DDRGK1: variants seen among roughly 807,000 people sequenced by gnomAD.
DDRGK1 encodes the protein DDRGK domain-containing protein 1.
DDRGK1 carries 38 observed loss-of-function variants against 45.8 expected under a neutral mutation model. The observed-to-expected ratio is 0.83, with a 90% CI of 0.64 to 1.09. The LOEUF (loss-of-function observed/expected upper bound fraction) is 1.09. Ranked by LOEUF, DDRGK1 falls within the 50% of genes least tolerant of loss-of-function variation. The pLI, the probability that DDRGK1 is intolerant of heterozygous loss-of-function variation, is 0.00. For missense variants in DDRGK1, 403 were observed against 419.9 expected (o/e 0.96, Z 0.35); for synonymous variants, 171 against 168.7 (o/e 1.01, Z -0.11).
Position 3,200,322 on chromosome 20 carries a change from AC to A in DDRGK1, c.408+19del. 6.4e-7 allele frequency: 1 copy of A among 1,554,130 alleles called. No homozygotes were observed. ...GCCCTTTCGCACTTCCCAGAGCTGC[AC>A]CCCATCCCTCCGGCTTGCCTCACGC... On this transcript the variant is annotated intron_variant, in intron 3 of 8. Transcript: ENST00000354488.
chr20:3,191,512 G>T, intron 7 of DDRGK1: 3 of 695,562 alleles, frequency 4.3e-6, no homozygotes, highest in Non-Finnish European at 7.8e-6. Flanking sequence ...AGTTGTCAAG[G>T]TAACTGATTT....
At chr20:3,197,138 G>A (rs544096425) in intron 4 of DDRGK1, among the ~76,000 whole-genome samples, 111 of 149,814 alleles carry the variant, frequency 7.4e-4, no homozygotes, top group African/African-American at 2.3e-3. Flanking sequence ...CAGCAGAATC[G>A]CTTGAACCTG....
intron 2 of DDRGK1, 108 bp from the exon 3 acceptor site, chr20:3,200,562 A>C (rs1298445286): frequency 5.3e-6 from 5 of 946,934 alleles, no homozygotes; most frequent in Non-Finnish European, 8.1e-6. Flanking sequence ...CCTTCCACCC[A>C]CCTGCAAATG....
chr20:3,196,966 T>C (rs1320056801), intron 4 of DDRGK1, among the ~76,000 whole-genome samples: 1 of 152,046 alleles, frequency 6.6e-6, no homozygotes, highest in Non-Finnish European at 1.5e-5. Flanking sequence ...CTCACGCTGG[T>C]AATCCCACCA....
At chr20:3,192,117 G>A (rs1362654953) in intron 6 of DDRGK1, among the ~76,000 whole-genome samples, 5 of 82,132 alleles carry the variant, frequency 6.1e-5, no homozygotes, top group Non-Finnish European at 1.4e-4. Flanking sequence ...CCTGGACTCC[G>A]AGACACACGA....
At chr20:3,201,252 C>G (rs2067037985) in intron 2 of DDRGK1, among the ~76,000 whole-genome samples, 1 of 148,196 alleles carries the variant, frequency 6.7e-6, no homozygotes, top group East Asian at 2.0e-4. Context: ...CCACTGCACT[C>G]CATCCAGCCT....
intron 6 of DDRGK1, among the ~76,000 whole-genome samples, chr20:3,194,229 G>A (rs897610768): frequency 6.6e-6 from 1 of 152,060 alleles, no homozygotes; most frequent in African/African-American, 2.4e-5. Context: ...AGCCGCCTCT[G>A]CACCTCTGAG....
At chr20:3,202,875 T>C (rs1009805217) in intron 2 of DDRGK1, among the ~76,000 whole-genome samples, 1 of 152,186 alleles carries the variant, frequency 6.6e-6, no homozygotes, top group African/African-American at 2.4e-5. Context: ...GCAGAAACTC[T>C]TGGCCAGGCA....
At chr20:3,196,945 G>A (rs867580910) in intron 4 of DDRGK1, among the ~76,000 whole-genome samples, 14 of 151,850 alleles carry the variant, frequency 9.2e-5, no homozygotes, top group Non-Finnish European at 2.1e-4. Context: ...ATGGCTGGTC[G>A]GGCACGGTGG....
At chr20:3,199,389 AG>A (rs1305959307) in intron 4 of DDRGK1, among the ~76,000 whole-genome samples, 1 of 152,152 alleles carries the variant, frequency 6.6e-6, no homozygotes, top group Non-Finnish European at 1.5e-5. Flanking sequence ...TATCAGCCAC[AG>A]CACCCACATC....
intron 2 of DDRGK1, among the ~76,000 whole-genome samples, chr20:3,202,397 G>A (rs572696265): frequency 9.9e-5 from 15 of 152,230 alleles, no homozygotes; most frequent in Non-Finnish European, 5.9e-5. Flanking sequence ...AATTTATCCC[G>A]CCTCAAATCT....
chr20:3,194,965 C>T, intron 5 of DDRGK1, 97 bp from the exon 6 acceptor site: 3 of 1,510,122 alleles, frequency 2.0e-6, no homozygotes, highest in Non-Finnish European at 1.8e-6. Flanking sequence ...TGAGGGCCAC[C>T]TGCCTGCAGC....
At chr20:3,204,399 A>C in intron 1 of DDRGK1, 138 bp downstream of exon 1, 1 of 846,612 alleles carries the variant, frequency 1.2e-6, no homozygotes, top group Non-Finnish European at 1.8e-6. Flanking sequence ...CCCACCCGGC[A>C]CACGACTAGC....
chr20:3,201,240 C>T lies in DDRGK1; in HGVS notation c.296-786G>A, dbSNP rs560753814. On this transcript the variant is annotated intron_variant, in intron 2 of 8. Transcript: ENST00000354488. ...CGGAACTTGCAGTGAGCGGAGATCGCGCCACTGCACTCCATCCAGCCTGGG... is the reference window on the plus strand; with the variant it reads ...CGGAACTTGCAGTGAGCGGAGATCGTGCCACTGCACTCCATCCAGCCTGGG... 2.1e-3 allele frequency among the ~76,000 whole-genome samples: 314 copies of T among 148,404 alleles called. 1 individual carries two copies. The highest frequency in any genetic ancestry group is 7.0e-3 in the African/African-American group (280 of 40,086).
At chr20:3,194,341 G>A (rs755879681) in intron 6 of DDRGK1, among the ~76,000 whole-genome samples, 6 of 152,194 alleles carry the variant, frequency 3.9e-5, no homozygotes, top group Non-Finnish European at 7.3e-5. Context: ...GAGCAGCATC[G>A]AGGCGGCCTG....
intron 2 of DDRGK1, among the ~76,000 whole-genome samples, chr20:3,201,564 G>A (rs976899976): frequency 2.4e-4 from 36 of 152,004 alleles, no homozygotes; most frequent in African/African-American, 8.5e-4. Context: ...AAGTGTCTCG[G>A]GGTCACAGAT....
intron 4 of DDRGK1, among the ~76,000 whole-genome samples, chr20:3,195,600 G>A (rs2122232793): frequency 6.6e-6 from 1 of 152,126 alleles, no homozygotes; most frequent in African/African-American, 2.4e-5. Context: ...TCCGTGCTCA[G>A]GGGATCTTAG....
At chr20:3,195,376 T>G in intron 4 of DDRGK1, 23 bp from the exon 5 acceptor site, 1 of 1,572,256 alleles carries the variant, frequency 6.4e-7, no homozygotes, top group Non-Finnish European at 8.6e-7. Context: ...GAGGCAAAAG[T>G]CAGGTATCGG....
intron 4 of DDRGK1, among the ~76,000 whole-genome samples, chr20:3,199,012 T>A (rs6139029): frequency 7.1e-6 from 1 of 140,070 alleles, no homozygotes; most frequent in African/African-American, 2.6e-5. Context: ...CCAGGCATGG[T>A]GGTGCACACC....
Sources: allele counts gnomAD v4.1 joint callset (sites outside exome capture counted in the v4.1 genomes callset), GRCh38; gene constraint gnomAD v4.1.1; transcripts MANE v1.5; gene names NCBI Gene and HGNC (gene_info 2026-07-23, HGNC 2026-07-21).